CELF2: variants seen among roughly 807,000 people sequenced by gnomAD.
The protein encoded by CELF2 is CUGBP Elav-like family member 2.
CELF2 carries 8 observed loss-of-function variants against 62.6 expected under a neutral mutation model. That is an observed-to-expected ratio of 0.13 (90% CI 0.07 to 0.23). The LOEUF is 0.23. CELF2 is among the 10% of genes least tolerant of loss of function. The pLI, the probability that CELF2 is intolerant of heterozygous loss-of-function variation, is 1.00. For missense variants in CELF2, 333 were observed against 671.0 expected, an observed-to-expected ratio of 0.50 and a Z score of 5.56; for synonymous variants, 258 against 250.0, an observed-to-expected ratio of 1.03 and a Z score of -0.30.
At chr10:10,681,300 C>T in the CELF2 span, among the ~76,000 whole-genome samples, 1 of 152,148 alleles carries the variant, frequency 6.6e-6, no homozygotes, top group Non-Finnish European at 1.5e-5. Flanking sequence ...CATTCACCTA[C>T]CTTATTGATC....
the CELF2 span, among the ~76,000 whole-genome samples, chr10:10,472,764 G>A: frequency 4.7e-4 from 72 of 152,024 alleles, no homozygotes; most frequent in African/African-American, 1.5e-3. Context: ...TTGTCTTCTC[G>A]TTGGTGTGCA....
the CELF2 span, among the ~76,000 whole-genome samples, chr10:10,710,988 T>G: frequency 6.6e-6 from 1 of 152,228 alleles, no homozygotes; most frequent in Non-Finnish European, 1.5e-5. Context: ...TTATTCTTAA[T>G]CAGAGTTTCT....
At chr10:11,205,138 G>C (rs1207096635) in intron 2 of CELF2, among the ~76,000 whole-genome samples, 1 of 152,126 alleles carries the variant, frequency 6.6e-6, no homozygotes, top group African/African-American at 2.4e-5. Context: ...CATGCGAATG[G>C]GTGAACTCTG....
intron 1 of CELF2, among the ~76,000 whole-genome samples, chr10:10,804,979 T>A (rs561270625): frequency 6.6e-6 from 1 of 152,336 alleles, no homozygotes; most frequent in African/African-American, 2.4e-5. Context: ...GCATGGATGC[T>A]CTGCTTGTAT....
the CELF2 span, among the ~76,000 whole-genome samples, chr10:10,744,428 A>T: frequency 1.3e-5 from 2 of 152,194 alleles, no homozygotes; most frequent in Non-Finnish European, 2.9e-5. Context: ...CAAAGTGTTT[A>T]AAGAGTGCTT....
the CELF2 span, among the ~76,000 whole-genome samples, chr10:10,621,078 A>C: frequency 4.1e-3 from 595 of 146,718 alleles, 15 homozygotes; most frequent in East Asian, 0.062. Flanking sequence ...AAAAATAAAA[A>C]ATAATAATAA....
At chr10:10,724,664 AAAAAAAG>A in the CELF2 span, among the ~76,000 whole-genome samples, 4 of 149,608 alleles carry the variant, frequency 2.7e-5, no homozygotes, top group Admixed American at 6.6e-5. Flanking sequence ...TCAAAAAAAA[AAAAAAAG>A]AAAAAAGAAA....
chr10:11,146,773 G>A (rs1218577497), intron 1 of CELF2, among the ~76,000 whole-genome samples: 1 of 152,194 alleles, frequency 6.6e-6, no homozygotes, highest in African/African-American at 2.4e-5. Flanking sequence ...CATCAGATAA[G>A]TTCATCTTGC....
At position 11,321,399 on chromosome 10, in the gene CELF2, C is replaced by T; in HGVS notation, c.1294+13C>T. 6.2e-7 allele frequency: 1 copy of T among 1,600,302 alleles called. No individual in the cohort carries two copies. Among genetic ancestry groups the T allele is most frequent in the East Asian group, 2.2e-5 (1 of 44,850 alleles). ...AGCCAGAAGGAAGGTAGGTGCCGCC[C>T]TTGGCCCCAGGCAGGGCCCAGCCCA... On this transcript the variant is annotated intron_variant, in intron 11 of 12. Coordinates refer to ENST00000633077, the MANE Select transcript of CELF2 (RefSeq NM_001326342.2). The surrounding 1 kb of genome is among the most constrained non-coding windows in gnomAD (Gnocchi z 6.2).
chr10:10,663,164 C>A, the CELF2 span, among the ~76,000 whole-genome samples: 2 of 152,186 alleles, frequency 1.3e-5, no homozygotes, highest in Non-Finnish European at 2.9e-5. Context: ...TCATTTTAAG[C>A]GTGCAGCAGC....
At chr10:10,752,223 T>C in the CELF2 span, among the ~76,000 whole-genome samples, 1 of 152,114 alleles carries the variant, frequency 6.6e-6, no homozygotes, top group Admixed American at 6.5e-5. Context: ...ACCTGGAGGG[T>C]TTCTGTCATT....
chr10:10,851,172 A>G (rs1251648175), intron 1 of CELF2, among the ~76,000 whole-genome samples: 2 of 152,328 alleles, frequency 1.3e-5, no homozygotes, highest in East Asian at 3.9e-4. Flanking sequence ...CAGAGGCATA[A>G]TCCATATGAG....
intron 1 of CELF2, among the ~76,000 whole-genome samples, chr10:10,821,508 A>T (rs1254378365): frequency 6.6e-6 from 1 of 152,128 alleles, no homozygotes; most frequent in Non-Finnish European, 1.5e-5. Flanking sequence ...TCCAGGGTTA[A>T]AGTCCTTCTT....
the CELF2 span, among the ~76,000 whole-genome samples, chr10:10,525,873 C>G: frequency 6.6e-6 from 1 of 152,186 alleles, no homozygotes; most frequent in African/African-American, 2.4e-5. Flanking sequence ...TATGATAGCT[C>G]TATTTTTAAT....
rs1190693820 is a variant in CELF2, at chr10:11,321,884, T to G, written c.1294+498T>G. 6.6e-6 allele frequency among the ~76,000 whole-genome samples: 1 copy of G among 152,242 alleles called. No homozygotes were observed. Among genetic ancestry groups the G allele is most frequent in the East Asian group, 1.9e-4 (1 of 5,204 alleles). ...CCCAGCTACATCTTCTGAAGGGTTA[T>G]GGCATCTCTGCAGATCTAAGTCCAG... On this transcript the variant is annotated intron_variant, in intron 11 of 12. Transcript: ENST00000633077. This position sits in a 1 kb window ranked among gnomAD's most constrained non-coding sequence, Gnocchi z 6.2.
At chr10:10,528,097 C>T in the CELF2 span, among the ~76,000 whole-genome samples, 4 of 152,304 alleles carry the variant, frequency 2.6e-5, no homozygotes, top group East Asian at 3.9e-4. Flanking sequence ...CAAACCAGCT[C>T]GCCAGATGTG....
At chr10:10,489,888 T>C in the CELF2 span, among the ~76,000 whole-genome samples, 1 of 151,794 alleles carries the variant, frequency 6.6e-6, no homozygotes, top group African/African-American at 2.4e-5. Context: ...TAAGAATCTA[T>C]GTGAGTACAG....
At chr10:10,953,615 A>G (rs1186151629) in intron 2 of CELF2, among the ~76,000 whole-genome samples, 1 of 152,228 alleles carries the variant, frequency 6.6e-6, no homozygotes, top group Non-Finnish European at 1.5e-5. Flanking sequence ...AATGGATCAA[A>G]GACTTAAATG....
intron 1 of CELF2, among the ~76,000 whole-genome samples, chr10:11,019,108 A>C (rs1564393484): frequency 6.6e-6 from 1 of 152,206 alleles, no homozygotes; most frequent in Non-Finnish European, 1.5e-5. Context: ...AAGTATGTCT[A>C]ATTTTTAGCT....
Sources: gnomAD v4.1 joint callset for allele counts (sites outside exome capture counted in the v4.1 genomes callset) on GRCh38, gnomAD v4.1.1 for gene constraint, Gnocchi (gnomAD v3.1) non-coding constraint, MANE v1.5 for transcripts, NCBI Gene and HGNC (gene_info 2026-07-23, HGNC 2026-07-21) for gene names.